GALNTL6: variants seen among roughly 807,000 people sequenced by gnomAD.
GALNTL6 encodes the protein polypeptide N-acetylgalactosaminyltransferase-like 6.
In GALNTL6, 46 loss-of-function variants were observed where a neutral mutation model predicts 73.7. That is an observed-to-expected ratio of 0.62 (90% CI 0.49 to 0.80). The LOEUF (loss-of-function observed/expected upper bound fraction) is 0.80. Ranked by LOEUF, GALNTL6 falls within the 30% of genes least tolerant of loss-of-function variation. GALNTL6 has a pLI of 0.00. For missense variants in GALNTL6, 604 were observed against 755.0 expected, an observed-to-expected ratio of 0.80 and a Z score of 2.34; for synonymous variants, 259 against 263.7, an observed-to-expected ratio of 0.98 and a Z score of 0.17.
intron 5 of GALNTL6, among the ~76,000 whole-genome samples, chr4:172,478,918 A>G (rs925295957): frequency 6.6e-6 from 1 of 152,234 alleles, no homozygotes; most frequent in African/African-American, 2.4e-5. Context: ...AAAATGCTCA[A>G]CATCACTAGT....
chr4:172,040,558 T>C (rs746202657), intron 2 of GALNTL6, among the ~76,000 whole-genome samples: 76 of 152,114 alleles, frequency 5.0e-4, no homozygotes, highest in Non-Finnish European at 5.9e-4. Flanking sequence ...TACCATGCCA[T>C]TAATGATGAC....
chr4:172,972,028 T>G (rs1011601917), intron 10 of GALNTL6, among the ~76,000 whole-genome samples: 1 of 151,800 alleles, frequency 6.6e-6, no homozygotes, highest in African/African-American at 2.4e-5. Context: ...GAAAGAAGGG[T>G]TTGAGATCTT....
At chr4:172,223,080 T>C (rs1358501786) in intron 2 of GALNTL6, among the ~76,000 whole-genome samples, 2 of 152,058 alleles carry the variant, frequency 1.3e-5, no homozygotes, top group Non-Finnish European at 2.9e-5. Flanking sequence ...CACTGCTTAG[T>C]ACATCTTTCT....
chr4:172,364,421 A>G lies in GALNTL6; in HGVS notation c.553+15732A>G, dbSNP rs577112906. Among the ~76,000 whole-genome samples the G allele has an allele frequency of 2.0e-5, 3 of 152,234 alleles. No individual in the cohort carries two copies. The East Asian group carries it at 5.8e-4, about 29-fold the overall frequency. On this transcript the variant is annotated intron_variant, in intron 5 of 12. Transcript: ENST00000506823. Reference sequence around the variant, plus strand: ...CCACAGAGTAAGACCCTGTCTCTAAAACAAACAAATTAAACAAAAAAAAAT... The same window carrying G: ...CCACAGAGTAAGACCCTGTCTCTAAGACAAACAAATTAAACAAAAAAAAAT...
At chr4:172,455,039 G>A (rs1241615966) in intron 5 of GALNTL6, among the ~76,000 whole-genome samples, 1 of 152,174 alleles carries the variant, frequency 6.6e-6, no homozygotes, top group Non-Finnish European at 1.5e-5. Context: ...GGACTGGTTA[G>A]GCAAGGGGTC....
chr4:172,589,559 T>C (rs1409440918), intron 5 of GALNTL6, among the ~76,000 whole-genome samples: 1 of 152,202 alleles, frequency 6.6e-6, no homozygotes, highest in Non-Finnish European at 1.5e-5. Flanking sequence ...ATTGATCTAA[T>C]GTCATAGTCC....
chr4:172,864,429 A>G (rs936257039), intron 7 of GALNTL6, among the ~76,000 whole-genome samples: 3 of 152,216 alleles, frequency 2.0e-5, no homozygotes, highest in Non-Finnish European at 2.9e-5. Context: ...AACCCTAAGA[A>G]AGAAGAAATA....
intron 2 of GALNTL6, among the ~76,000 whole-genome samples, chr4:171,862,714 A>G (rs1173737589): frequency 6.6e-6 from 1 of 152,128 alleles, no homozygotes; most frequent in African/African-American, 2.4e-5. Flanking sequence ...TCTTGACTTT[A>G]GTAAGACTGA....
At chr4:172,934,186 G>A (rs1005212899) in intron 9 of GALNTL6, among the ~76,000 whole-genome samples, 10 of 152,164 alleles carry the variant, frequency 6.6e-5, no homozygotes, top group African/African-American at 2.2e-4. Context: ...GGAGGAAGTA[G>A]CGTCATAGCT....
At chr4:172,590,062 A>G (rs1168173318) in intron 5 of GALNTL6, among the ~76,000 whole-genome samples, 2 of 152,218 alleles carry the variant, frequency 1.3e-5, no homozygotes, top group African/African-American at 4.8e-5. Flanking sequence ...GCATCTTTGT[A>G]CAAAACAGAT....
chr4:172,382,121 C>A (rs538830422), intron 5 of GALNTL6, among the ~76,000 whole-genome samples: 1 of 152,194 alleles, frequency 6.6e-6, no homozygotes, highest in African/African-American at 2.4e-5. Flanking sequence ...AGGCCAATCA[C>A]CATGCCTGGC....
At chr4:172,349,750 G>A (rs184575884) in intron 5 of GALNTL6, among the ~76,000 whole-genome samples, 97 of 151,514 alleles carry the variant, frequency 6.4e-4, no homozygotes, top group African/African-American at 2.1e-3. Context: ...TTAATATGGC[G>A]GAGATTGCAG....
At chr4:172,730,592 A>C (rs1736085960) in intron 5 of GALNTL6, among the ~76,000 whole-genome samples, 1 of 152,180 alleles carries the variant, frequency 6.6e-6, no homozygotes, top group Non-Finnish European at 1.5e-5. Context: ...GATCATGGTG[A>C]ACGATCTTTT....
At chr4:172,053,445 G>A (rs1056392712) in intron 2 of GALNTL6, among the ~76,000 whole-genome samples, 1 of 152,134 alleles carries the variant, frequency 6.6e-6, no homozygotes, top group African/African-American at 2.4e-5. Flanking sequence ...CCATTCTCCT[G>A]AAAGCTGCTT....
rs145045230 is a variant in GALNTL6 at position 172,739,823 on chromosome 4, A to G, written c.554-69538A>G. ...GTTATAGAATATAGCTGTAGCTGAA[A>G]AAAAGAAATGCTTGTTATAATAAGC... On this transcript the variant is annotated intron_variant, in intron 5 of 12. Transcript: ENST00000506823. Among the ~76,000 whole-genome samples the G allele has an allele frequency of 8.8e-3, 1,341 of 152,208 alleles. 24 individuals carry two copies. Among genetic ancestry groups the G allele is most frequent in the African/African-American group, 0.031 (1,289 of 41,540 alleles).
At chr4:172,716,828 T>A (rs1002252738) in intron 5 of GALNTL6, among the ~76,000 whole-genome samples, 3 of 152,268 alleles carry the variant, frequency 2.0e-5, no homozygotes, top group Non-Finnish European at 1.5e-5. Context: ...AGTCTCACTA[T>A]GGAAAAGACA....
chr4:172,031,129 T>C (rs1741754517), intron 2 of GALNTL6, among the ~76,000 whole-genome samples: 1 of 152,180 alleles, frequency 6.6e-6, no homozygotes, highest in African/African-American at 2.4e-5. Context: ...CCATGTATCA[T>C]GATGACAGCC....
chr4:172,400,756 G>C (rs1744007498), intron 5 of GALNTL6, among the ~76,000 whole-genome samples: 1 of 152,020 alleles, frequency 6.6e-6, no homozygotes, highest in African/African-American at 2.4e-5. Flanking sequence ...GAAAGCCGAC[G>C]ATGTAAGAGC....
chr4:171,898,929 C>G (rs1019546455), intron 2 of GALNTL6, among the ~76,000 whole-genome samples: 2 of 151,832 alleles, frequency 1.3e-5, no homozygotes, highest in African/African-American at 4.8e-5. Flanking sequence ...ATTAAAGAAG[C>G]AAGCAATTGA....
Sources: allele counts gnomAD v4.1 joint callset (sites outside exome capture counted in the v4.1 genomes callset), GRCh38; gene constraint gnomAD v4.1.1; transcripts MANE v1.5; gene names NCBI Gene and HGNC (gene_info 2026-07-23, HGNC 2026-07-21).